The following ASIC2 variants were observed in gnomAD, a reference collection of about 807,000 sequenced individuals.
The protein encoded by ASIC2 is acid sensing ion channel subunit 2.
ASIC2 carries 25 observed loss-of-function variants against 57.3 expected under a neutral mutation model. The ratio of observed to expected loss-of-function variants is 0.44; its 90% CI spans 0.32 to 0.61. The LOEUF is 0.61. ASIC2 is among the 20% of genes least tolerant of loss of function. The pLI, the probability that ASIC2 is intolerant of heterozygous loss-of-function variation, is 0.06. For missense variants in ASIC2, 641 were observed against 738.1 expected (o/e 0.87, Z 1.52); for synonymous variants, 319 against 307.5 (o/e 1.04, Z -0.39).
intron 1 of ASIC2, among the ~76,000 whole-genome samples, chr17:33,607,086 C>T (rs1163284066): frequency 6.6e-6 from 1 of 152,124 alleles, no homozygotes; most frequent in Non-Finnish European, 1.5e-5. Flanking sequence ...GCTGAGCATC[C>T]TGCAGAAAAT....
intron 1 of ASIC2, among the ~76,000 whole-genome samples, chr17:33,211,684 C>T (rs1373020901): frequency 6.6e-6 from 1 of 152,164 alleles, no homozygotes; most frequent in African/African-American, 2.4e-5. Flanking sequence ...CACAGATCAG[C>T]AGTTTGCCTC....
chr17:34,038,632 T>C (rs1252852721), intron 1 of ASIC2: 2 of 1,594,532 alleles, frequency 1.3e-6, no homozygotes, highest in East Asian at 4.5e-5. Context: ...CCCTGATATG[T>C]AGTTTTCTAA....
chr17:33,597,979 G>C (rs1905029702), intron 1 of ASIC2, among the ~76,000 whole-genome samples: 1 of 152,102 alleles, frequency 6.6e-6, no homozygotes, highest in East Asian at 1.9e-4. Context: ...TTCTCCGAAT[G>C]TATCTATTTT....
At chr17:33,629,445 T>C (rs1007357283) in intron 1 of ASIC2, among the ~76,000 whole-genome samples, 1 of 152,192 alleles carries the variant, frequency 6.6e-6, no homozygotes, top group Non-Finnish European at 1.5e-5. Context: ...ATCAGAGGGC[T>C]ACTCAGTTTT....
At chr17:33,374,637 T>G (rs1451099059) in intron 1 of ASIC2, among the ~76,000 whole-genome samples, 1 of 152,236 alleles carries the variant, frequency 6.6e-6, no homozygotes, top group Non-Finnish European at 1.5e-5. Flanking sequence ...GTCTGTGCAG[T>G]GGCAGGAAGA....
chr17:33,396,131 G>A (rs985567452), intron 1 of ASIC2, among the ~76,000 whole-genome samples: 3 of 152,168 alleles, frequency 2.0e-5, no homozygotes, highest in African/African-American at 4.8e-5. Flanking sequence ...AGAAGGAATG[G>A]TCATTTAGTC....
At chr17:33,247,638 A>T (rs1192793537) in intron 1 of ASIC2, among the ~76,000 whole-genome samples, 2 of 152,264 alleles carry the variant, frequency 1.3e-5, no homozygotes, top group Non-Finnish European at 2.9e-5. Context: ...ACTCTCAGCC[A>T]GGAGGCCAGT....
intron 1 of ASIC2, among the ~76,000 whole-genome samples, chr17:34,063,839 A>T (rs1909061396): frequency 6.6e-6 from 1 of 152,210 alleles, no homozygotes; most frequent in Non-Finnish European, 1.5e-5. Context: ...GACCTCTAGA[A>T]GGAAAACTAC....
At chr17:33,460,778 A>C (rs1264519668) in intron 1 of ASIC2, among the ~76,000 whole-genome samples, 1 of 152,194 alleles carries the variant, frequency 6.6e-6, no homozygotes, top group Non-Finnish European at 1.5e-5. Context: ...GAGAAAACTG[A>C]GCCACAGAGA....
rs570285456 is a variant in ASIC2, at chr17:33,063,854, C to T, written c.987+25009G>A. Among the ~76,000 whole-genome samples, 243 of 152,244 alleles carry T rather than the reference C, an allele frequency of 1.6e-3. 2 individuals carry two copies. The highest frequency in any genetic ancestry group is 6.8e-3 in the Middle Eastern group (2 of 294). On this transcript the variant is annotated intron_variant, in intron 3 of 9. Coordinates refer to ENST00000225823, the MANE Select transcript of ASIC2 (RefSeq NM_183377.2). ...TCCCATATTTCTTGGAGGCTTTGTT[C>T]GTTTCTTTTTATTCTTTTTTCTCTA...
At chr17:33,676,877 G>A (rs1221427926) in intron 1 of ASIC2, among the ~76,000 whole-genome samples, 2 of 152,168 alleles carry the variant, frequency 1.3e-5, no homozygotes, top group African/African-American at 4.8e-5. Flanking sequence ...AAGGTGTCTG[G>A]GTCATGGAGG....
intron 1 of ASIC2, among the ~76,000 whole-genome samples, chr17:33,764,666 C>G (rs911269382): frequency 6.6e-6 from 1 of 152,132 alleles, no homozygotes; most frequent in African/African-American, 2.4e-5. Context: ...TCCATGATAA[C>G]CTATTCATCC....
chr17:33,476,369 C>G (rs2141923290), intron 1 of ASIC2, among the ~76,000 whole-genome samples: 1 of 152,178 alleles, frequency 6.6e-6, no homozygotes, highest in Non-Finnish European at 1.5e-5. Flanking sequence ...CACTGTATGA[C>G]TGTATCACAA....
intron 1 of ASIC2, among the ~76,000 whole-genome samples, chr17:33,489,501 TC>T (rs1249168623): frequency 1.3e-5 from 2 of 152,162 alleles, no homozygotes; most frequent in African/African-American, 2.4e-5. Context: ...CTTGGACACT[TC>T]CTTTTCAGTG....
At chr17:33,505,738 G>A (rs1243271211) in intron 1 of ASIC2, among the ~76,000 whole-genome samples, 1 of 152,110 alleles carries the variant, frequency 6.6e-6, no homozygotes, top group East Asian at 1.9e-4. Flanking sequence ...CTCTCTGCCC[G>A]GATCGCCTAC....
chr17:33,822,858 C>T (rs1478893926), intron 1 of ASIC2, among the ~76,000 whole-genome samples: 2 of 152,172 alleles, frequency 1.3e-5, no homozygotes, highest in African/African-American at 4.8e-5. Flanking sequence ...TTTTAGGGCT[C>T]GCTCTGTTGA....
At chr17:33,514,923 C>T (rs567568732) in intron 1 of ASIC2, among the ~76,000 whole-genome samples, 3 of 152,222 alleles carry the variant, frequency 2.0e-5, no homozygotes, top group Non-Finnish European at 2.9e-5. Flanking sequence ...AGCAGGACCT[C>T]GGTCCTTTCT....
intron 1 of ASIC2, among the ~76,000 whole-genome samples, chr17:33,247,696 G>C (rs543440401): frequency 1.3e-5 from 2 of 152,356 alleles, no homozygotes; most frequent in African/African-American, 4.8e-5. Flanking sequence ...GAGTCAGTTG[G>C]CTAAGCCAAG....
intron 1 of ASIC2, among the ~76,000 whole-genome samples, chr17:33,490,259 C>A (rs1160132081): frequency 1.3e-5 from 2 of 152,294 alleles, no homozygotes; most frequent in East Asian, 3.9e-4. Flanking sequence ...AGTTTGCTAA[C>A]CCTTGATTTA....
Sources: allele counts gnomAD v4.1 joint callset (sites outside exome capture counted in the v4.1 genomes callset), GRCh38; gene constraint gnomAD v4.1.1; transcripts MANE v1.5; gene names NCBI Gene and HGNC (gene_info 2026-07-23, HGNC 2026-07-21).